The following RGS22 variants were observed in gnomAD, a reference collection of about 807,000 sequenced individuals.
RGS22 encodes regulator of G-protein signaling 22.
RGS22 carries 148 observed loss-of-function variants against 172.9 expected under a neutral mutation model. That is an observed-to-expected ratio of 0.86 (90% CI 0.75 to 0.98). The LOEUF (loss-of-function observed/expected upper bound fraction) is 0.98, where lower values mean the gene tolerates loss of function less well. Ranked by LOEUF, RGS22 falls within the 50% of genes least tolerant of loss-of-function variation. The pLI is 0.00. For synonymous variants in RGS22, 458 were observed against 480.2 expected (o/e 0.95, Z 0.60); for missense variants, 1,347 against 1,440.8 (o/e 0.93, Z 1.05).
chr8:99,997,534 T>C (rs561322457), intron 19 of RGS22, among the ~76,000 whole-genome samples: 1 of 152,310 alleles, frequency 6.6e-6, no homozygotes, highest in East Asian at 1.9e-4. Flanking sequence ...TTTCCATAAG[T>C]TGCTCAGCTC....
At chr8:99,991,319 G>C (rs1563583826) in intron 20 of RGS22, among the ~76,000 whole-genome samples, 1 of 152,160 alleles carries the variant, frequency 6.6e-6, no homozygotes, top group South Asian at 2.1e-4. Context: ...AAATTTCTCT[G>C]AGCTAAAGGA....
chr8:100,030,401 CT>C (rs1340192837), intron 14 of RGS22, among the ~76,000 whole-genome samples: 1 of 152,160 alleles, frequency 6.6e-6, no homozygotes, highest in Non-Finnish European at 1.5e-5. Context: ...AAAAAGTTAA[CT>C]GTAAAACAGG....
intron 12 of RGS22, among the ~76,000 whole-genome samples, chr8:100,041,253 G>T (rs1321082459): frequency 6.6e-6 from 1 of 152,096 alleles, no homozygotes; most frequent in African/African-American, 2.4e-5. Context: ...CTTTGGAAGG[G>T]CGAGACAGGC....
chr8:99,999,827 C>A (rs1034683237), intron 18 of RGS22, among the ~76,000 whole-genome samples: 11 of 152,124 alleles, frequency 7.2e-5, no homozygotes, highest in African/African-American at 2.4e-4. Context: ...TAAGAATTTT[C>A]TTCTGTGGAT....
intron 20 of RGS22, among the ~76,000 whole-genome samples, chr8:99,990,737 C>T (rs780584846): frequency 1.3e-5 from 2 of 152,080 alleles, no homozygotes; most frequent in Non-Finnish European, 1.5e-5. Context: ...CAGACTTAAA[C>T]GTCTGAAGAG....
At chr8:100,020,034 GCCACCACGCCCAGC>G (rs1176821089) in intron 14 of RGS22, among the ~76,000 whole-genome samples, 1 of 152,038 alleles carries the variant, frequency 6.6e-6, no homozygotes, top group African/African-American at 2.4e-5. Flanking sequence ...ACAGGCACCT[GCCACCACGCCCAGC>G]TAATTTTGTA....
chr8:100,000,186 C>T (rs1218180686), intron 18 of RGS22, among the ~76,000 whole-genome samples: 3 of 152,272 alleles, frequency 2.0e-5, no homozygotes, highest in East Asian at 1.9e-4. Context: ...TTTCTGTGTA[C>T]ATACCACTCA....
At chr8:100,100,280 A>AT (rs1813364609) in intron 2 of RGS22, among the ~76,000 whole-genome samples, 1 of 146,650 alleles carries the variant, frequency 6.8e-6, no homozygotes, top group Non-Finnish European at 1.5e-5. Flanking sequence ...TAAAGTTTGT[A>AT]TTTTTTTCTG....
At position 100,063,583 on chromosome 8, in the gene RGS22, C is replaced by A; in HGVS notation, c.1185G>T (p.Glu395Asp). Residue 395 changes from glutamate (E) to aspartate (D), a missense_variant, in exon 8 of 28, where the codon GAG (glutamate) becomes GAT (aspartate). Transcript: ENST00000360863. ...LSSKNESAGP[E>D]SRADWCISHR... ...GAGAAATACACCAGTCCGCCCTGCT[C>A]TCTGGTCCAGCGCTCTCATTCTTTG... 1 of 1,614,066 alleles carries A rather than the reference C, an allele frequency of 6.2e-7. No homozygotes were observed. The highest frequency in any genetic ancestry group is 8.5e-7 in the Non-Finnish European group (1 of 1,179,980).
intron 2 of RGS22, among the ~76,000 whole-genome samples, chr8:100,097,536 C>A (rs890026420): frequency 1.3e-5 from 2 of 152,124 alleles, no homozygotes; most frequent in African/African-American, 4.8e-5. Flanking sequence ...GTTCACTATA[C>A]AATTCTTTTA....
intron 23 of RGS22, among the ~76,000 whole-genome samples, chr8:99,970,612 T>A (rs1025879732): frequency 6.6e-6 from 1 of 152,086 alleles, no homozygotes; most frequent in African/African-American, 2.4e-5. Flanking sequence ...TCTATGCAAA[T>A]AAACTAGAAA....
chr8:99,996,448 C>T lies in RGS22; in HGVS notation c.3018+14G>A, dbSNP rs1425265947. 1 of 1,604,818 alleles carries T rather than the reference C, an allele frequency of 6.2e-7. No individual in the cohort carries two copies. The highest frequency in any genetic ancestry group is 1.7e-5 in the Admixed American group (1 of 59,812). On this transcript the variant is annotated intron_variant, in intron 20 of 27. Coordinates refer to ENST00000360863, the MANE Select transcript of RGS22 (RefSeq NM_015668.5). Reference sequence around the variant, plus strand: ...AAAACTTACAAGAGGAAGAATATAACAAACATTACTTGCCTTCCAGACCCC... The same window carrying T: ...AAAACTTACAAGAGGAAGAATATAATAAACATTACTTGCCTTCCAGACCCC...
chr8:100,077,065 T>C lies in RGS22; in HGVS notation c.339+3069A>G, dbSNP rs138722417. ...ATAGACATAAAGTTGTTTGTAAAAT[T>C]CTCTTATTTTTTTTAACTGCCTGTA... is the stretch of plus-strand genomic sequence containing the variant. On this transcript the variant is annotated intron_variant, in intron 4 of 27. Coordinates refer to ENST00000360863, the MANE Select transcript of RGS22 (RefSeq NM_015668.5). Among the ~76,000 whole-genome samples the C allele has an allele frequency of 4.6e-3, 703 of 152,100 alleles. 6 individuals carry two copies. The highest frequency in any genetic ancestry group is 0.016 in the African/African-American group (664 of 41,554).
At chr8:100,104,357 TGTGTA>T (rs376269817) in intron 2 of RGS22, among the ~76,000 whole-genome samples, 111 of 145,266 alleles carry the variant, frequency 7.6e-4, no homozygotes, top group Middle Eastern at 3.6e-3. Context: ...TGTGTGTGTG[TGTGTA>T]TTTTTTTTTT....
At chr8:100,028,736 T>C (rs1338346920) in intron 14 of RGS22, among the ~76,000 whole-genome samples, 4 of 152,152 alleles carry the variant, frequency 2.6e-5, no homozygotes, top group Middle Eastern at 3.2e-3. Flanking sequence ...AACTAATACA[T>C]AGCAGAATTA....
At chr8:99,999,188 T>G (rs1588941658) in intron 19 of RGS22, 74 bp downstream of exon 19, 3 of 1,249,928 alleles carry the variant, frequency 2.4e-6, no homozygotes, top group Non-Finnish European at 2.2e-6. Context: ...AATGGCTGGG[T>G]CACCAGGTAT....
intron 3 of RGS22, 196 bp downstream of exon 3, chr8:100,093,251 C>T: frequency 2.1e-6 from 1 of 471,030 alleles, no homozygotes; most frequent in Non-Finnish European, 3.8e-6. Flanking sequence ...CTCCAGATTT[C>T]TTCAATAAGA....
chr8:100,045,856 T>G (rs1016806795), intron 11 of RGS22, among the ~76,000 whole-genome samples: 10 of 150,904 alleles, frequency 6.6e-5, no homozygotes, highest in Non-Finnish European at 1.3e-4. Flanking sequence ...TTTATGGGGA[T>G]ATATATATAT....
intron 21 of RGS22, among the ~76,000 whole-genome samples, chr8:99,986,553 C>A (rs1432026936): frequency 1.3e-5 from 2 of 152,148 alleles, no homozygotes; most frequent in African/African-American, 4.8e-5. Flanking sequence ...TTCAGTATTT[C>A]TATACAACAT....
Sources: allele counts gnomAD v4.1 joint callset (sites outside exome capture counted in the v4.1 genomes callset), GRCh38; gene constraint gnomAD v4.1.1; transcripts MANE v1.5; gene names NCBI Gene and HGNC (gene_info 2026-07-23, HGNC 2026-07-21).